The following NRG3 variants were observed in gnomAD, a reference collection of about 807,000 sequenced individuals.
The protein encoded by NRG3 is pro-neuregulin-3, membrane-bound isoform.
NRG3 carries 31 observed loss-of-function variants against 66.9 expected under a neutral mutation model. That is an observed-to-expected ratio of 0.46 (90% CI 0.35 to 0.63). The LOEUF (loss-of-function observed/expected upper bound fraction) is 0.63. Among genes scored for constraint, NRG3 ranks in the 20% least tolerant of loss-of-function variants. The pLI is 0.00. For missense variants in NRG3, 910 were observed against 878.9 expected, an observed-to-expected ratio of 1.04 and a Z score of -0.45; for synonymous variants, 393 against 359.4, an observed-to-expected ratio of 1.09 and a Z score of -1.06.
intron 2 of NRG3, among the ~76,000 whole-genome samples, chr10:82,622,711 A>G (rs2049123568): frequency 6.6e-6 from 1 of 152,208 alleles, no homozygotes; most frequent in Admixed American, 6.5e-5. Flanking sequence ...AGGGTAAACA[A>G]CTGACACTAC....
intron 1 of NRG3, among the ~76,000 whole-genome samples, chr10:82,082,087 T>C (rs2065428599): frequency 6.6e-6 from 1 of 152,250 alleles, no homozygotes; most frequent in South Asian, 2.1e-4. Flanking sequence ...AAATATTTCA[T>C]GTTTCATTTT....
chr10:82,877,337 C>G (rs1001316973), intron 4 of NRG3, among the ~76,000 whole-genome samples: 1 of 149,050 alleles, frequency 6.7e-6, no homozygotes, highest in Non-Finnish European at 1.5e-5. Flanking sequence ...GAGACAGACT[C>G]TCAAGAAGTT....
At chr10:82,474,395 T>A (rs748388483) in intron 2 of NRG3, among the ~76,000 whole-genome samples, 5 of 151,372 alleles carry the variant, frequency 3.3e-5, no homozygotes, top group Non-Finnish European at 5.9e-5. Flanking sequence ...ATGAACAAAA[T>A]GAGAATATCA....
At chr10:82,962,328 G>A (rs1451665689) in intron 6 of NRG3, among the ~76,000 whole-genome samples, 1 of 151,976 alleles carries the variant, frequency 6.6e-6, no homozygotes, top group Non-Finnish European at 1.5e-5. Flanking sequence ...CCTGGTTTAG[G>A]GATCAGAAAA....
intron 1 of NRG3, among the ~76,000 whole-genome samples, chr10:81,935,642 T>G (rs1196826842): frequency 6.6e-6 from 1 of 152,110 alleles, no homozygotes; most frequent in Non-Finnish European, 1.5e-5. Flanking sequence ...TTCTTCTTGA[T>G]GCCTATTTGA....
intron 4 of NRG3, among the ~76,000 whole-genome samples, chr10:82,873,798 G>A (rs1001957108): frequency 1.3e-5 from 2 of 152,150 alleles, no homozygotes; most frequent in South Asian, 4.1e-4. Flanking sequence ...CATTCTCATC[G>A]GGTAAACGAA....
intron 2 of NRG3, among the ~76,000 whole-genome samples, chr10:82,451,887 A>G (rs1299749894): frequency 1.3e-5 from 2 of 152,186 alleles, no homozygotes; most frequent in Admixed American, 6.6e-5. Context: ...GTTTTTGAAG[A>G]ATTTCATCCA....
At chr10:82,739,583 T>C (rs540761672) in intron 3 of NRG3, among the ~76,000 whole-genome samples, 86 of 152,340 alleles carry the variant, frequency 5.6e-4, no homozygotes, top group Non-Finnish European at 3.1e-4. Flanking sequence ...TCTTCCAACA[T>C]CTTTTCAAAA....
chr10:82,161,813 C>T (rs1173974038), intron 1 of NRG3, among the ~76,000 whole-genome samples: 1 of 152,072 alleles, frequency 6.6e-6, no homozygotes, highest in Non-Finnish European at 1.5e-5. Flanking sequence ...GATGGAGATC[C>T]TGGATTGCTC....
At chr10:82,119,131 C>A in intron 1 of NRG3, among the ~76,000 whole-genome samples, 1 of 152,094 alleles carries the variant, frequency 6.6e-6, no homozygotes, top group South Asian at 2.1e-4. Context: ...ATCAATACAT[C>A]AAACACTTAT....
At chr10:82,113,888 A>G (rs539072794) in intron 1 of NRG3, among the ~76,000 whole-genome samples, 3 of 152,196 alleles carry the variant, frequency 2.0e-5, no homozygotes, top group African/African-American at 4.8e-5. Flanking sequence ...CCTTAATTAT[A>G]TATTTACAAA....
chr10:82,918,786 G>T (rs1443157823), intron 4 of NRG3, among the ~76,000 whole-genome samples: 1 of 152,160 alleles, frequency 6.6e-6, no homozygotes, highest in Non-Finnish European at 1.5e-5. Context: ...ATCTCTCAAT[G>T]TGACAAGAAA....
chr10:82,636,241 C>CTG lies in NRG3; in HGVS notation c.954-102318_954-102317dup, dbSNP rs1028118030. ...TCTACATATGTGTGTGTGTGTGTGT[C>CTG]TGTGTGTGTGTGTGTGTGTAAATAT... On this transcript the variant is annotated intron_variant, in intron 2 of 8. Coordinates refer to ENST00000372141, the MANE Select transcript of NRG3 (RefSeq NM_001010848.4). Among the ~76,000 whole-genome samples the CTG allele has an allele frequency of 7.7e-3, 1,096 of 142,072 alleles. 10 individuals are homozygous for CTG. Among genetic ancestry groups the CTG allele is most frequent in the African/African-American group, 0.022 (875 of 39,570 alleles). The allele number at this position is 142,072 out of a possible 152,430, so 93.2% of individuals were successfully genotyped here. A position where few individuals can be genotyped will look rare whatever the true frequency, so the allele number is the denominator to read the frequency against.
At chr10:81,932,377 C>T (rs1208359416) in intron 1 of NRG3, among the ~76,000 whole-genome samples, 7 of 152,036 alleles carry the variant, frequency 4.6e-5, no homozygotes, top group African/African-American at 1.4e-4. Flanking sequence ...CCAGGTTCTG[C>T]CCCCCAGCAT....
intron 1 of NRG3, among the ~76,000 whole-genome samples, chr10:82,094,060 T>C (rs964076216): frequency 6.6e-6 from 1 of 152,238 alleles, no homozygotes; most frequent in African/African-American, 2.4e-5. Context: ...GGTATTATTA[T>C]ACTCACATTT....
intron 2 of NRG3, among the ~76,000 whole-genome samples, chr10:82,583,922 A>C (rs1565096494): frequency 6.6e-6 from 1 of 152,202 alleles, no homozygotes; most frequent in Non-Finnish European, 1.5e-5. Context: ...GGAAAAGCTA[A>C]TTGGCACTAG....
At chr10:82,651,797 T>C (rs1195841089) in intron 2 of NRG3, among the ~76,000 whole-genome samples, 1 of 152,170 alleles carries the variant, frequency 6.6e-6, no homozygotes, top group Non-Finnish European at 1.5e-5. Context: ...TATATATTCA[T>C]CCCCAAATAT....
At chr10:82,721,413 C>A (rs187402931) in intron 2 of NRG3, among the ~76,000 whole-genome samples, 2 of 151,922 alleles carry the variant, frequency 1.3e-5, no homozygotes, top group African/African-American at 4.8e-5. Flanking sequence ...GCTGGGATTA[C>A]AGGCGTGAGC....
intron 1 of NRG3, among the ~76,000 whole-genome samples, chr10:81,879,109 C>T (rs1341070773): frequency 1.3e-5 from 2 of 152,292 alleles, no homozygotes; most frequent in East Asian, 3.9e-4. Flanking sequence ...TCTTCCCGTC[C>T]TCCACCGTTT....
Sources: allele counts gnomAD v4.1 joint callset (sites outside exome capture counted in the v4.1 genomes callset), GRCh38; gene constraint gnomAD v4.1.1; transcripts MANE v1.5; gene names NCBI Gene and HGNC (gene_info 2026-07-23, HGNC 2026-07-21).